BCLAF1: variants seen among roughly 807,000 people sequenced by gnomAD.
BCLAF1 encodes bcl-2-associated transcription factor 1.
BCLAF1 carries 10 observed loss-of-function variants against 99.5 expected under a neutral mutation model. That is an observed-to-expected ratio of 0.10 (90% CI 0.06 to 0.17). The LOEUF is 0.17. BCLAF1 is among the 10% of genes least tolerant of loss of function. The probability of loss-of-function intolerance (pLI) is 1.00; values close to 1 mark genes in which losing one functional copy is unlikely to be tolerated. For synonymous variants in BCLAF1, 255 were observed against 370.9 expected (o/e 0.69, Z 3.59); for missense variants, 636 against 1,105.8 (o/e 0.58, Z 6.02).
At chr6:136,281,348 T>G (rs1182287307) in intron 2 of BCLAF1, among the ~76,000 whole-genome samples, 2 of 152,130 alleles carry the variant, frequency 1.3e-5, no homozygotes, top group African/African-American at 2.4e-5. Context: ...AGAACACAAA[T>G]TTGGTTTAGC....
chr6:136,273,404 T>C (rs2128477244), intron 6 of BCLAF1: 1 of 481,184 alleles, frequency 2.1e-6, no homozygotes, highest in Non-Finnish European at 3.7e-6. Context: ...CAATACTACA[T>C]CTAATCCAAG....
At chr6:136,281,615 T>G (rs1784391989) in intron 2 of BCLAF1, among the ~76,000 whole-genome samples, 1 of 152,250 alleles carries the variant, frequency 6.6e-6, no homozygotes, top group Non-Finnish European at 1.5e-5. Flanking sequence ...CAAATGATTT[T>G]GGAGATCCAG....
At chr6:136,271,711 A>G (rs902007472) in intron 8 of BCLAF1, among the ~76,000 whole-genome samples, 2 of 151,860 alleles carry the variant, frequency 1.3e-5, no homozygotes, top group Non-Finnish European at 2.9e-5. Context: ...TTGATTTTAT[A>G]ATTTCCCTTT....
At position 136,284,094 on chromosome 6, in the gene BCLAF1, T is replaced by A. The variant is rs553924041; in HGVS notation, c.-114-1407A>T. 3.3e-3 allele frequency among the ~76,000 whole-genome samples: 444 copies of A among 136,088 alleles called. 5 individuals are homozygous for A. The highest frequency in any genetic ancestry group is 0.012 in the African/African-American group (412 of 33,940). 89.3% of individuals were successfully genotyped at this position (136,088 alleles called of 152,430 possible). A position where few individuals can be genotyped will look rare whatever the true frequency, so the allele number is the denominator to read the frequency against. ...CCCTAAACAATTCCAAAAGGCTAAT[T>A]TATATATATATATACATATATATGT... On this transcript the variant is annotated intron_variant, in intron 1 of 12. Coordinates refer to ENST00000531224, the MANE Select transcript of BCLAF1 (RefSeq NM_014739.3).
intron 4 of BCLAF1, 76 bp downstream of exon 4, chr6:136,277,789 T>G (rs1259174597): frequency 1.0e-5 from 15 of 1,480,362 alleles, no homozygotes; most frequent in Non-Finnish European, 1.3e-5. Context: ...TATCACAATT[T>G]TACGTTTATA....
intron 1 of BCLAF1, among the ~76,000 whole-genome samples, chr6:136,287,096 C>G (rs1052422283): frequency 6.6e-6 from 1 of 151,420 alleles, no homozygotes; most frequent in Non-Finnish European, 1.5e-5. Flanking sequence ...GCCAAGATCA[C>G]GCCACTGCAC....
Position 136,268,348 on chromosome 6 carries a change from TAAAG to T in BCLAF1, c.2220-13_2220-10del, listed in dbSNP as rs748440348. 5.1e-5 allele frequency: 80 copies of T among 1,583,586 alleles called. No individual in the cohort carries two copies. The African/African-American group carries it at 9.2e-4, about 18-fold the overall frequency. ...GCTCTCTTTTATGTTTACTGCAAAA[TAAAG>T]AAAACAAAAAATGTGATACTTTTAA... On this transcript the variant is annotated splice_polypyrimidine_tract_variant and intron_variant, in intron 9 of 12. Coordinates refer to ENST00000531224, the MANE Select transcript of BCLAF1 (RefSeq NM_014739.3).
At chr6:136,280,771 GCAT>G (rs1354858395) in intron 2 of BCLAF1, among the ~76,000 whole-genome samples, 1 of 152,126 alleles carries the variant, frequency 6.6e-6, no homozygotes, top group Non-Finnish European at 1.5e-5. Flanking sequence ...ATCACTGCAT[GCAT>G]ATCCCAAATG....
intron 1 of BCLAF1, among the ~76,000 whole-genome samples, chr6:136,289,466 C>G (rs1041798296): frequency 3.3e-5 from 5 of 152,130 alleles, no homozygotes; most frequent in African/African-American, 1.2e-4. Flanking sequence ...TGTGGGTCTC[C>G]AGGCAGGTTC....
intron 6 of BCLAF1, among the ~76,000 whole-genome samples, chr6:136,274,471 C>G (rs1782979451): frequency 6.6e-6 from 1 of 151,822 alleles, no homozygotes; most frequent in South Asian, 2.1e-4. Context: ...AACTGGTTCA[C>G]AAACCTACTC....
At position 136,278,666 on chromosome 6, in the gene BCLAF1, C is replaced by A. The variant is rs755119874; in HGVS notation, c.215G>T (p.Gly72Val). Residue 72 changes from glycine (G) to valine (V), a missense_variant, in exon 4 of 13, where the codon GGG becomes GTG. Physicochemically the swap from Gly to Val is moderately radical, Grantham distance 109 (BLOSUM62 -3). This residue lies in a region of BCLAF1 where 81 missense variants were observed against 132.5 expected (regional missense o/e 0.61). Transcript: ENST00000531224. ...RNNRGMRRPYGYRGRGRGYYQ... is the reference protein window; with the variant it reads ...RNNRGMRRPYVYRGRGRGYYQ... ...ATACCCTCTACCCCTTCCTCTGTAC[C>A]CATAAGGTCGTCTCATTCCTCTATT... is the stretch of plus-strand genomic sequence containing the variant. 1 of 1,613,304 alleles carries A rather than the reference C, an allele frequency of 6.2e-7. No homozygotes were observed. The highest frequency in any genetic ancestry group is 2.2e-5 in the East Asian group (1 of 44,858).
Position 136,277,851 on chromosome 6 carries a change from A to G in BCLAF1, c.1016+14T>C, listed in dbSNP as rs1026111251. ...AACAATATTATAATCTAGATTCTGT[A>G]TTTTAGTTTTTACCTTTTTAAGAAC... On this transcript the variant is annotated intron_variant, in intron 4 of 12. Coordinates refer to ENST00000531224, the MANE Select transcript of BCLAF1 (RefSeq NM_014739.3). The G allele has an allele frequency of 1.3e-5, 21 of 1,601,060 alleles. 1 individual carries two copies. Among genetic ancestry groups the G allele is most frequent in the African/African-American group, 1.2e-4 (9 of 74,146 alleles).
chr6:136,278,551 T>C lies in BCLAF1; in HGVS notation c.330A>G (p.Ser110=). 1 of 1,591,912 alleles carries C rather than the reference T, an allele frequency of 6.3e-7. No individual in the cohort carries two copies. The highest frequency in any genetic ancestry group is 1.1e-5 in the South Asian group (1 of 88,890). The change falls in exon 4 of 13, where the codon TCA becomes TCG. Residue 110 remains serine (S), a synonymous_variant. Transcript: ENST00000531224. ...ATCTTCTTTTTGGACTCCTGGAACGTGAACGACCTCGTCTAGGACTCCTAG... is the reference window on the plus strand; with the variant it reads ...ATCTTCTTTTTGGACTCCTGGAACGCGAACGACCTCGTCTAGGACTCCTAG... ...RHSRSPRRGR[S]RSRSPKRRSV...
chr6:136,266,541 C>T (rs1239036803), intron 11 of BCLAF1, among the ~76,000 whole-genome samples: 4 of 152,108 alleles, frequency 2.6e-5, no homozygotes, highest in African/African-American at 9.7e-5. Context: ...GTGTATCTAG[C>T]AGCAACTTTT....
intron 1 of BCLAF1, among the ~76,000 whole-genome samples, chr6:136,285,114 G>C (rs770824162): frequency 1.4e-4 from 22 of 152,178 alleles, no homozygotes; most frequent in Admixed American, 2.6e-4. Context: ...GCATCTAGTA[G>C]ATCATCAAAA....
In BCLAF1 at chr6:136,281,833, C is replaced by T. The variant is rs1050602170; in HGVS notation, c.-11+751G>A. ...AGGATGTAGCTGGGCTTGTGGCACACGAGCACAACAGGTATTTAATAAATA... is the reference window on the plus strand; with the variant it reads ...AGGATGTAGCTGGGCTTGTGGCACATGAGCACAACAGGTATTTAATAAATA... On this transcript the variant is annotated intron_variant, in intron 2 of 12. Coordinates refer to ENST00000531224, the MANE Select transcript of BCLAF1 (RefSeq NM_014739.3). 2.0e-5 allele frequency among the ~76,000 whole-genome samples: 3 copies of T among 152,150 alleles called. No individual in the cohort carries two copies. In the East Asian group the frequency reaches 5.8e-4, roughly 29 times the overall value.
At chr6:136,285,029 A>T (rs1433325289) in intron 1 of BCLAF1, among the ~76,000 whole-genome samples, 2 of 152,198 alleles carry the variant, frequency 1.3e-5, no homozygotes, top group Non-Finnish European at 2.9e-5. Flanking sequence ...ACCAATAAGA[A>T]GGTTGAGACA....
chr6:136,286,963 A>T (rs1562271183), intron 1 of BCLAF1, among the ~76,000 whole-genome samples: 1 of 147,726 alleles, frequency 6.8e-6, no homozygotes, highest in Admixed American at 6.7e-5. Flanking sequence ...GCAAGACTCC[A>T]TCTCAAAAAC....
chr6:136,276,605 A>C, intron 4 of BCLAF1, 97 bp from the exon 5 acceptor site: 1 of 1,385,542 alleles, frequency 7.2e-7, no homozygotes, highest in Admixed American at 2.6e-5. Flanking sequence ...CAGGACCAGC[A>C]AGAGAGAAAA....
Sources: allele counts gnomAD v4.1 joint callset (sites outside exome capture counted in the v4.1 genomes callset), GRCh38; gene constraint gnomAD v4.1.1; regional missense constraint gnomAD v4.1.1; transcripts MANE v1.5; gene names NCBI Gene and HGNC (gene_info 2026-07-23, HGNC 2026-07-21).